The following TMTC2 variants were observed in gnomAD, a reference collection of about 807,000 sequenced individuals.
The protein encoded by TMTC2 is protein O-mannosyl-transferase TMTC2.
A neutral mutation model predicts 82.4 loss-of-function variants in TMTC2; 43 were observed. The observed-to-expected ratio is 0.52, with a 90% CI of 0.41 to 0.67. TMTC2 has a LOEUF of 0.67. TMTC2 is among the 30% of genes least tolerant of loss of function. The probability of loss-of-function intolerance (pLI) is 0.00; values close to 1 mark genes in which losing one functional copy is unlikely to be tolerated. For synonymous variants in TMTC2, 408 were observed against 381.9 expected, an observed-to-expected ratio of 1.07 and a Z score of -0.80; for missense variants, 919 against 1,012.4, an observed-to-expected ratio of 0.91 and a Z score of 1.25.
chr12:82,811,156 G>C (rs533762609), intron 1 of TMTC2, among the ~76,000 whole-genome samples: 1 of 152,186 alleles, frequency 6.6e-6, no homozygotes, highest in South Asian at 2.1e-4. Context: ...AACCCGGGAG[G>C]CAGAGGTTGC....
chr12:82,976,621 T>A (rs1196562252), intron 7 of TMTC2, among the ~76,000 whole-genome samples: 3 of 152,016 alleles, frequency 2.0e-5, no homozygotes, highest in African/African-American at 7.2e-5. Flanking sequence ...TCAGAAGCAA[T>A]ATATCTGGGG....
chr12:82,739,561 C>T (rs1200154985), intron 1 of TMTC2, among the ~76,000 whole-genome samples: 1 of 151,794 alleles, frequency 6.6e-6, no homozygotes, highest in Non-Finnish European at 1.5e-5. Context: ...TAACACTGGA[C>T]TATATATTTA....
rs1555215183 is a variant in TMTC2 at position 83,134,605 on chromosome 12, G to GC, written c.*2216_*2217insC. ...CTGGACTTAGTAACTGACCAACTTC[G>GC]GGGGGAGGGTTGGGGCAAGGGGGGG... On this transcript the variant is annotated 3_prime_UTR_variant, in exon 12 of 12. Transcript: ENST00000321196. The GC allele has an allele frequency of 8.6e-4, 50 of 58,304 alleles. No homozygotes were observed. The highest frequency in any genetic ancestry group is 4.0e-3 in the African/African-American group (48 of 12,008). The allele number at this position is 58,304 out of a possible 1,614,324, so 3.6% of individuals were successfully genotyped here.
chr12:82,986,619 A>G (rs1401177185), intron 8 of TMTC2: 1 of 152,516 alleles, frequency 6.6e-6, no homozygotes, highest in Non-Finnish European at 1.5e-5. Flanking sequence ...CCAACATTGT[A>G]TAAAATTCTG....
chr12:83,025,557 G>A lies in TMTC2; in HGVS notation c.2071-5241G>A, dbSNP rs145009533. On this transcript the variant is annotated intron_variant, in intron 8 of 11. Transcript: ENST00000321196. Reference sequence around the variant, plus strand: ...TTACCACAAACCAAGCCGTTGTCCCGCAGACACCAACAGGATGCCCTACTA... The same window carrying A: ...TTACCACAAACCAAGCCGTTGTCCCACAGACACCAACAGGATGCCCTACTA... Among the ~76,000 whole-genome samples the A allele has an allele frequency of 8.2e-3, 1,248 of 152,134 alleles. 13 individuals are homozygous for A. Among genetic ancestry groups the A allele is most frequent in the African/African-American group, 0.029 (1,198 of 41,520 alleles).
intron 8 of TMTC2, among the ~76,000 whole-genome samples, chr12:83,013,820 C>A (rs1319652708): frequency 6.6e-6 from 1 of 152,152 alleles, no homozygotes; most frequent in African/African-American, 2.4e-5. Context: ...GTATTTCAAC[C>A]TGAGCTTGCT....
intron 2 of TMTC2, among the ~76,000 whole-genome samples, chr12:82,885,648 G>A (rs1409281513): frequency 2.0e-5 from 3 of 152,064 alleles, no homozygotes; most frequent in Admixed American, 2.0e-4. Context: ...TGAGATTACA[G>A]GTGTGAGCCA....
At chr12:82,893,180 GC>G (rs1873481755) in intron 2 of TMTC2, among the ~76,000 whole-genome samples, 2 of 151,834 alleles carry the variant, frequency 1.3e-5, no homozygotes, top group African/African-American at 4.8e-5. Flanking sequence ...GACCATCCTG[GC>G]CAACATGGTG....
At chr12:82,755,195 G>C (rs1165622186) in intron 1 of TMTC2, among the ~76,000 whole-genome samples, 2 of 152,202 alleles carry the variant, frequency 1.3e-5, no homozygotes, top group African/African-American at 2.4e-5. Context: ...GTGGCAAGCA[G>C]GTGAGTTGAG....
intron 9 of TMTC2, among the ~76,000 whole-genome samples, chr12:83,034,846 C>G (rs886920882): frequency 1.3e-5 from 2 of 152,084 alleles, no homozygotes; most frequent in Non-Finnish European, 2.9e-5. Context: ...AAAAGATGTT[C>G]TATTTGAATT....
At chr12:83,107,774 C>CT (rs1884461203) in intron 11 of TMTC2, among the ~76,000 whole-genome samples, 1 of 151,792 alleles carries the variant, frequency 6.6e-6, no homozygotes, top group South Asian at 2.1e-4. Flanking sequence ...CCTTATGACC[C>CT]CCCGTGCCCA....
At chr12:83,093,697 A>C (rs1883921475) in intron 11 of TMTC2, among the ~76,000 whole-genome samples, 1 of 152,200 alleles carries the variant, frequency 6.6e-6, no homozygotes, top group South Asian at 2.1e-4. Flanking sequence ...AAGAGAGCTA[A>C]TAAGCTACCT....
At chr12:82,811,517 GA>G (rs939584945) in intron 1 of TMTC2, among the ~76,000 whole-genome samples, 1 of 151,906 alleles carries the variant, frequency 6.6e-6, no homozygotes, top group Non-Finnish European at 1.5e-5. Flanking sequence ...GTCACAGAAA[GA>G]AATGGAAAAA....
chr12:83,066,495 G>A (rs1338892743), intron 11 of TMTC2, among the ~76,000 whole-genome samples: 1 of 151,930 alleles, frequency 6.6e-6, no homozygotes, highest in Non-Finnish European at 1.5e-5. Context: ...ATTTTAAAAT[G>A]TTATTAAGCA....
At chr12:82,871,421 G>T (rs1377471861) in intron 2 of TMTC2, among the ~76,000 whole-genome samples, 11 of 150,570 alleles carry the variant, frequency 7.3e-5, no homozygotes, top group Admixed American at 2.6e-4. Flanking sequence ...ATCTACAGTA[G>T]CTTTGAATAC....
At chr12:83,003,953 C>G (rs1880034681) in intron 8 of TMTC2, among the ~76,000 whole-genome samples, 1 of 152,162 alleles carries the variant, frequency 6.6e-6, no homozygotes, top group Non-Finnish European at 1.5e-5. Context: ...TACATATCCT[C>G]AAATATGTTT....
At chr12:82,745,576 T>C (rs1875647049) in intron 1 of TMTC2, among the ~76,000 whole-genome samples, 1 of 152,208 alleles carries the variant, frequency 6.6e-6, no homozygotes, top group South Asian at 2.1e-4. Context: ...TCATTACCAG[T>C]AAACATTGTA....
intron 11 of TMTC2, among the ~76,000 whole-genome samples, chr12:83,129,455 T>C (rs1362800829): frequency 6.6e-6 from 1 of 152,190 alleles, no homozygotes. Flanking sequence ...TAGACTAATA[T>C]TAAAATACAA....
intron 4 of TMTC2, among the ~76,000 whole-genome samples, chr12:82,934,427 C>G (rs551671833): frequency 6.6e-6 from 1 of 151,398 alleles, no homozygotes; most frequent in Non-Finnish European, 1.5e-5. Context: ...CCCCTCCCTG[C>G]GTCCATGTGT....
Sources: allele counts gnomAD v4.1 joint callset (sites outside exome capture counted in the v4.1 genomes callset), GRCh38; gene constraint gnomAD v4.1.1; transcripts MANE v1.5; gene names NCBI Gene and HGNC (gene_info 2026-07-23, HGNC 2026-07-21).